The following TPO variants were observed in gnomAD, a reference collection of about 807,000 sequenced individuals.
TPO encodes thyroid peroxidase, also known as thyroid microsomal antigen.
TPO carries 78 observed loss-of-function variants against 96.9 expected under a neutral mutation model. The observed-to-expected ratio is 0.81, with a 90% CI of 0.67 to 0.97. The LOEUF is 0.97. Among genes scored for constraint, TPO ranks in the 50% least tolerant of loss-of-function variants. The probability of loss-of-function intolerance (pLI) is 0.00; values close to 1 mark genes in which losing one functional copy is unlikely to be tolerated. For synonymous variants in TPO, 547 were observed against 538.0 expected (o/e 1.02, Z -0.23); for missense variants, 1,252 against 1,274.8 (o/e 0.98, Z 0.27).
chr2:1,519,363 G>A (rs1459900630), intron 15 of TPO, among the ~76,000 whole-genome samples: 3 of 152,304 alleles, frequency 2.0e-5, no homozygotes, highest in Admixed American at 1.3e-4. Context: ...GCTGGAGGTC[G>A]TGCCACAGCT....
intron 5 of TPO, among the ~76,000 whole-genome samples, chr2:1,444,478 G>T (rs1323224740): frequency 7.6e-6 from 1 of 131,374 alleles, no homozygotes; most frequent in African/African-American, 2.9e-5. Context: ...CATTGCTGCA[G>T]GAGGTACTGT....
At chr2:1,392,101 A>G (rs921517507) in intron 1 of TPO, among the ~76,000 whole-genome samples, 3 of 152,184 alleles carry the variant, frequency 2.0e-5, no homozygotes, top group Non-Finnish European at 4.4e-5. Flanking sequence ...GCCAGTTTTC[A>G]AAGGGAATGC....
At chr2:1,378,073 G>A (rs897792930) in intron 1 of TPO, among the ~76,000 whole-genome samples, 5 of 152,176 alleles carry the variant, frequency 3.3e-5, no homozygotes, top group Non-Finnish European at 5.9e-5. Context: ...TCTCATTGTC[G>A]CTTGTCTGTG....
At chr2:1,428,945 G>A (rs1664708602) in intron 3 of TPO, among the ~76,000 whole-genome samples, 1 of 152,070 alleles carries the variant, frequency 6.6e-6, no homozygotes, top group Non-Finnish European at 1.5e-5. Context: ...ATGAACTATG[G>A]CTGGCTAATG....
At chr2:1,501,823 G>A (rs981283816) in intron 13 of TPO, among the ~76,000 whole-genome samples, 5 of 152,054 alleles carry the variant, frequency 3.3e-5, no homozygotes, top group Non-Finnish European at 4.4e-5. Context: ...AGCACCACCC[G>A]GCCGACACCC....
intron 9 of TPO, 120 bp from the exon 10 acceptor site, chr2:1,487,701 C>T (rs1341059802): frequency 7.3e-7 from 1 of 1,362,976 alleles, no homozygotes; most frequent in Admixed American, 2.0e-5. Context: ...CGCCACTGCA[C>T]TCCAGCCTGG....
intron 5 of TPO, among the ~76,000 whole-genome samples, chr2:1,441,724 C>T (rs1023280742): frequency 4.6e-5 from 7 of 152,148 alleles, no homozygotes; most frequent in Admixed American, 2.0e-4. Flanking sequence ...ACGTCACTTG[C>T]AGGTTGCCTT....
At chr2:1,433,400 A>G (rs755017502) in intron 3 of TPO, 38 bp from the exon 4 acceptor site, 10 of 1,611,214 alleles carry the variant, frequency 6.2e-6, no homozygotes, top group Non-Finnish European at 8.5e-6. Context: ...GATACCATAG[A>G]CAAATAATCT....
intron 13 of TPO, among the ~76,000 whole-genome samples, chr2:1,497,435 G>A (rs768160812): frequency 5.9e-5 from 9 of 152,180 alleles, no homozygotes; most frequent in African/African-American, 1.9e-4. Flanking sequence ...GTTCCTCTGC[G>A]GGGAACAGCA....
chr2:1,498,580 C>T (rs1362829815), intron 13 of TPO, among the ~76,000 whole-genome samples: 1 of 152,152 alleles, frequency 6.6e-6, no homozygotes, highest in Admixed American at 6.5e-5. Context: ...CAGACGTGCT[C>T]CCCTGCTGCA....
intron 1 of TPO, among the ~76,000 whole-genome samples, chr2:1,381,731 T>A (rs1233768865): frequency 6.6e-6 from 1 of 152,232 alleles, no homozygotes; most frequent in Non-Finnish European, 1.5e-5. Context: ...CATGAAGATG[T>A]GCTATGGGAT....
chr2:1,510,916 TAA>T (rs1674038376), intron 14 of TPO, among the ~76,000 whole-genome samples: 3 of 152,192 alleles, frequency 2.0e-5, no homozygotes, highest in Admixed American at 6.5e-5. Context: ...CATATAGGTA[TAA>T]AAGAATAGAT....
At chr2:1,432,686 G>A (rs868769128) in intron 3 of TPO, among the ~76,000 whole-genome samples, 15 of 82,526 alleles carry the variant, frequency 1.8e-4, no homozygotes, top group African/African-American at 5.3e-4. Context: ...CCTGCAGGTG[G>A]GGTGAGGCCT....
At chr2:1,397,696 C>T (rs762682505) in intron 1 of TPO, among the ~76,000 whole-genome samples, 1 of 152,184 alleles carries the variant, frequency 6.6e-6, no homozygotes. Flanking sequence ...TCCCAGCCTC[C>T]AAGCCTCCCA....
intron 2 of TPO, among the ~76,000 whole-genome samples, chr2:1,416,257 C>T (rs1201387880): frequency 6.6e-6 from 1 of 152,228 alleles, no homozygotes; most frequent in Non-Finnish European, 1.5e-5. Flanking sequence ...ATCAGTCACT[C>T]TATCACCTGG....
intron 13 of TPO, among the ~76,000 whole-genome samples, chr2:1,500,277 C>T (rs1672743483): frequency 6.6e-6 from 1 of 152,190 alleles, no homozygotes. Flanking sequence ...GGAGAGATTG[C>T]TAACCTTCAT....
rs369937753 is a variant in TPO, at chr2:1,442,303, C to T, written c.482+5919C>T. On this transcript the variant is annotated intron_variant, in intron 5 of 16. Transcript: ENST00000329066. ...CAATCAGGGTGGAATTACTCACGGA[C>T]AGTCCTCCAGAGGCAGTGGGGTCAT... Among the ~76,000 whole-genome samples, 11 of 152,280 alleles carry T rather than the reference C, an allele frequency of 7.2e-5. 1 individual carries two copies. The East Asian group carries it at 2.1e-3, about 29-fold the overall frequency.
intron 1 of TPO, among the ~76,000 whole-genome samples, chr2:1,382,304 G>C (rs146603329): frequency 6.6e-6 from 1 of 152,150 alleles, no homozygotes; most frequent in African/African-American, 2.4e-5. Context: ...CCACACAGTT[G>C]CTCTTTTCCA....
chr2:1,411,187 G>T (rs2298873), upstream of TPO, among the ~76,000 whole-genome samples: 18,027 of 152,034 alleles, frequency 0.12, 1,379 homozygotes, highest in East Asian at 0.34. Flanking sequence ...AGCTTCCATT[G>T]TACTTGATGC....
Sources: allele counts gnomAD v4.1 joint callset (sites outside exome capture counted in the v4.1 genomes callset), GRCh38; gene constraint gnomAD v4.1.1; transcripts MANE v1.5; gene names NCBI Gene and HGNC (gene_info 2026-07-23, HGNC 2026-07-21).